Variants in TTC28 observed in about 807,000 individuals in gnomAD.
The protein encoded by TTC28 is tetratricopeptide repeat protein 28.
TTC28 carries 61 observed loss-of-function variants against 198.0 expected under a neutral mutation model. That is an observed-to-expected ratio of 0.31 (90% CI 0.25 to 0.38). TTC28 has a LOEUF of 0.38. Ranked by LOEUF, TTC28 falls within the 10% of genes least tolerant of loss-of-function variation. The pLI is 1.00. For missense variants in TTC28, 2,678 were observed against 3,164.0 expected (o/e 0.85, Z 3.69); for synonymous variants, 1,171 against 1,297.8 (o/e 0.90, Z 2.10).
At chr22:28,290,379 A>G (rs902926761) in intron 5 of TTC28, among the ~76,000 whole-genome samples, 1 of 152,204 alleles carries the variant, frequency 6.6e-6, no homozygotes, top group Non-Finnish European at 1.5e-5. Flanking sequence ...TGAAGATGGT[A>G]AGACTGCTGT....
At chr22:28,060,529 C>T (rs918080939) in intron 12 of TTC28, among the ~76,000 whole-genome samples, 8 of 152,194 alleles carry the variant, frequency 5.3e-5, no homozygotes, top group African/African-American at 9.6e-5. Flanking sequence ...CAAGTCTTTG[C>T]TATTGTGAAT....
In TTC28 at chr22:28,556,043, T is replaced by G. The variant is rs1250391400; in HGVS notation, c.381+73509A>C. On this transcript the variant is annotated intron_variant, in intron 2 of 22. Coordinates refer to ENST00000397906, the MANE Select transcript of TTC28 (RefSeq NM_001145418.2). ...GAAGGGTTCATGGAAAACTCAGTTTTGGTTTATTAAAAAAAAAAAATGCCC... is the reference window on the plus strand; with the variant it reads ...GAAGGGTTCATGGAAAACTCAGTTTGGGTTTATTAAAAAAAAAAAATGCCC... 4.6e-5 allele frequency among the ~76,000 whole-genome samples: 7 copies of G among 151,864 alleles called. No homozygotes were observed. The East Asian group carries it at 1.2e-3, about 25-fold the overall frequency.
At chr22:28,168,022 C>CA (rs1454778142) in intron 5 of TTC28, among the ~76,000 whole-genome samples, 2 of 152,078 alleles carry the variant, frequency 1.3e-5, no homozygotes, top group Non-Finnish European at 2.9e-5. Flanking sequence ...TCCTATACAC[C>CA]AAAAACAGAC....
chr22:28,289,736 A>AT (rs201989757), intron 5 of TTC28, among the ~76,000 whole-genome samples: 15 of 152,250 alleles, frequency 9.9e-5, no homozygotes, highest in Admixed American at 2.0e-4. Flanking sequence ...TTTAAAAAAA[A>AT]TTTTTTTGTG....
intron 2 of TTC28, among the ~76,000 whole-genome samples, chr22:28,397,024 CA>C (rs2046829560): frequency 1.3e-5 from 2 of 152,034 alleles, no homozygotes; most frequent in Admixed American, 1.3e-4. Context: ...GGCTGTGTGG[CA>C]AACTAATCCA....
intron 2 of TTC28, among the ~76,000 whole-genome samples, chr22:28,546,900 CAT>C (rs2049554427): frequency 6.6e-6 from 1 of 152,070 alleles, no homozygotes; most frequent in African/African-American, 2.4e-5. Flanking sequence ...CGACTCCAAA[CAT>C]ATGAGACTCT....
intron 13 of TTC28, among the ~76,000 whole-genome samples, chr22:28,025,108 G>A (rs1938775639): frequency 6.6e-6 from 1 of 152,114 alleles, no homozygotes; most frequent in South Asian, 2.1e-4. Flanking sequence ...TTTATTCAAG[G>A]TGTTTCCAGT....
At chr22:28,511,555 G>A (rs768397598) in intron 2 of TTC28, among the ~76,000 whole-genome samples, 8 of 151,930 alleles carry the variant, frequency 5.3e-5, no homozygotes, top group Non-Finnish European at 1.0e-4. Flanking sequence ...TATCCTGGCC[G>A]GGCACAGTGG....
At chr22:28,116,598 A>G (rs1407536749) in intron 6 of TTC28, among the ~76,000 whole-genome samples, 2 of 152,172 alleles carry the variant, frequency 1.3e-5, no homozygotes, top group South Asian at 2.1e-4. Context: ...CTGGATCACA[A>G]TAAGAGGTGG....
chr22:27,993,051 GC>G, intron 18 of TTC28: 1 of 579,512 alleles, frequency 1.7e-6, no homozygotes, highest in Non-Finnish European at 3.0e-6. Context: ...CCGGGAAGGG[GC>G]AGCGCCAGTG....
chr22:28,645,526 CT>C (rs1464757006), intron 1 of TTC28, among the ~76,000 whole-genome samples: 2 of 151,226 alleles, frequency 1.3e-5, no homozygotes, highest in Non-Finnish European at 2.9e-5. Context: ...TCTGAGGAGG[CT>C]GAGGCAGGAG....
chr22:28,408,259 G>A (rs997048716), intron 2 of TTC28, among the ~76,000 whole-genome samples: 1 of 151,960 alleles, frequency 6.6e-6, no homozygotes, highest in Non-Finnish European at 1.5e-5. Context: ...TTAGTTCCTC[G>A]GGAAGAACAC....
At chr22:28,573,872 T>A (rs1485357218) in intron 2 of TTC28, among the ~76,000 whole-genome samples, 1 of 152,044 alleles carries the variant, frequency 6.6e-6, no homozygotes, top group Non-Finnish European at 1.5e-5. Context: ...CAGCCTCTGG[T>A]AACCATCATT....
intron 2 of TTC28, among the ~76,000 whole-genome samples, chr22:28,355,004 T>G (rs978870798): frequency 8.0e-6 from 1 of 124,262 alleles, no homozygotes; most frequent in Non-Finnish European, 1.6e-5. Flanking sequence ...ACCACAAATA[T>G]GGGTATAGGT....
rs139396299 is a variant in TTC28, at chr22:28,273,434, T to C, written c.933+22764A>G. Among the ~76,000 whole-genome samples the C allele has an allele frequency of 3.3e-5, 5 of 151,772 alleles. No individual in the cohort carries two copies. The East Asian group carries it at 7.7e-4, about 24-fold the overall frequency. ...ACTGGATTCTGTTAAAAAAAAGAAATTGAAATTCCAAAAAAATAACTAAAA... is the reference window on the plus strand; with the variant it reads ...ACTGGATTCTGTTAAAAAAAAGAAACTGAAATTCCAAAAAAATAACTAAAA... On this transcript the variant is annotated intron_variant, in intron 5 of 22. Coordinates refer to ENST00000397906, the MANE Select transcript of TTC28 (RefSeq NM_001145418.2).
chr22:28,645,956 G>A (rs1028148041), intron 1 of TTC28, among the ~76,000 whole-genome samples: 1 of 152,018 alleles, frequency 6.6e-6, no homozygotes, highest in African/African-American at 2.4e-5. Flanking sequence ...TAAACTTACA[G>A]TCAACAACAT....
At chr22:28,444,563 A>G (rs993425262) in intron 2 of TTC28, among the ~76,000 whole-genome samples, 1 of 152,196 alleles carries the variant, frequency 6.6e-6, no homozygotes, top group Non-Finnish European at 1.5e-5. Flanking sequence ...AGTCTATGCT[A>G]GAACCTATGC....
chr22:28,091,546 T>C (rs1286754945), intron 12 of TTC28, among the ~76,000 whole-genome samples: 2 of 151,958 alleles, frequency 1.3e-5, no homozygotes, highest in Non-Finnish European at 2.9e-5. Context: ...AAGGGAAAGG[T>C]AGCAGGGCAG....
At chr22:28,422,734 C>T (rs186503013) in intron 2 of TTC28, among the ~76,000 whole-genome samples, 77 of 152,148 alleles carry the variant, frequency 5.1e-4, no homozygotes, top group Admixed American at 2.9e-3. Flanking sequence ...CGTGAGCCAC[C>T]GCACCCAGCC....
Sources: gnomAD v4.1 joint callset for allele counts (sites outside exome capture counted in the v4.1 genomes callset) on GRCh38, gnomAD v4.1.1 for gene constraint, MANE v1.5 for transcripts, NCBI Gene and HGNC (gene_info 2026-07-23, HGNC 2026-07-21) for gene names.